The following ZNF169 variants were observed in gnomAD, a reference collection of about 807,000 sequenced individuals.
ZNF169 encodes zinc finger protein 169.
Under a neutral mutation model 12.0 loss-of-function variants are expected in ZNF169, and 11 were observed. That is an observed-to-expected ratio of 0.92 (90% CI 0.58 to 1.52). The LOEUF (loss-of-function observed/expected upper bound fraction) is 1.52. ZNF169 is among the 40% of genes most tolerant of loss of function. The pLI is 0.00. For missense variants in ZNF169, 722 were observed against 744.0 expected (o/e 0.97, Z 0.34); for synonymous variants, 302 against 286.5 (o/e 1.05, Z -0.55).
intron 1 of ZNF169, among the ~76,000 whole-genome samples, chr9:94,265,078 A>T (rs1194329483): frequency 7.5e-6 from 1 of 133,562 alleles, no homozygotes; most frequent in Admixed American, 8.2e-5. Flanking sequence ...GCCAGATCAT[A>T]GGTATGTTTA....
chr9:94,279,764 T>C (rs1830594480), intron 2 of ZNF169, among the ~76,000 whole-genome samples: 1 of 152,218 alleles, frequency 6.6e-6, no homozygotes, highest in South Asian at 2.1e-4. Context: ...CCACATTAGT[T>C]TTCTGTGTAT....
chr9:94,261,542 A>G (rs1830208581), intron 1 of ZNF169, among the ~76,000 whole-genome samples: 1 of 152,192 alleles, frequency 6.6e-6, no homozygotes, highest in Non-Finnish European at 1.5e-5. Context: ...ACCACTTACA[A>G]ATGACTCACC....
intron 1 of ZNF169, among the ~76,000 whole-genome samples, chr9:94,271,958 C>A (rs1031546133): frequency 6.6e-6 from 1 of 151,936 alleles, no homozygotes; most frequent in Admixed American, 6.6e-5. Context: ...TATCTGTGAG[C>A]CTGAACTTTT....
At position 94,298,728 on chromosome 9, in the gene ZNF169, CAAA is replaced by C. The variant is rs59009101; in HGVS notation, c.257-1069_257-1067del. 4.6e-3 allele frequency among the ~76,000 whole-genome samples: 486 copies of C among 105,030 alleles called. 1 individual carries two copies. The highest frequency in any genetic ancestry group is 0.011 in the African/African-American group (319 of 28,912). 68.9% of individuals were successfully genotyped at this position (105,030 alleles called of 152,430 possible). ...TGGGCAACAGAGCGAGACTCTGTCT[CAAA>C]AAAAAAAAAAAAAAAAAGAACTTAG... On this transcript the variant is annotated intron_variant, in intron 4 of 4. Transcript: ENST00000395395.
At chr9:94,290,652 C>T (rs1830810095) in intron 2 of ZNF169, among the ~76,000 whole-genome samples, 1 of 152,094 alleles carries the variant, frequency 6.6e-6, no homozygotes, top group Non-Finnish European at 1.5e-5. Flanking sequence ...TTTATTCATT[C>T]ACATTTTCTT....
chr9:94,301,178 G>C lies in ZNF169; in HGVS notation c.1620G>C (p.Lys540Asn), dbSNP rs1564095500. The C allele has an allele frequency of 1.2e-6, 2 of 1,614,244 alleles. No individual in the cohort carries two copies. Among genetic ancestry groups the C allele is most frequent in the African/African-American group, 2.7e-5 (2 of 75,066 alleles). The change falls in exon 5 of 5, where the codon AAG (lysine) becomes AAC (asparagine). Residue 540 changes from lysine to asparagine, a missense_variant. Transcript: ENST00000395395. ...ACCAAAGGACACACTCAGGAGAGAA[G>C]CCCTGCATTTGCGATGAATGTGGGC... Reference protein sequence around the residue: ...ISDQRTHSGEKPCICDECGRG... With the variant: ...ISDQRTHSGENPCICDECGRG...
At chr9:94,293,400 GC>G in intron 4 of ZNF169, 1 of 597,682 alleles carries the variant, frequency 1.7e-6, no homozygotes, top group Non-Finnish European at 2.9e-6. Context: ...CTAAGTCCCT[GC>G]CCCTGGTTTT....
chr9:94,286,291 C>T (rs1266650374), intron 2 of ZNF169, among the ~76,000 whole-genome samples: 1 of 152,200 alleles, frequency 6.6e-6, no homozygotes, highest in African/African-American at 2.4e-5. Flanking sequence ...AGACTTGTCT[C>T]TCAAACCATT....
At chr9:94,265,985 G>T (rs1170300181) in intron 1 of ZNF169, among the ~76,000 whole-genome samples, 1 of 151,564 alleles carries the variant, frequency 6.6e-6, no homozygotes, top group East Asian at 1.9e-4. Context: ...ACTCAGGAGG[G>T]TGAGGCAGTA....
At chr9:94,263,951 A>G (rs1830248037) in intron 1 of ZNF169, among the ~76,000 whole-genome samples, 1 of 151,712 alleles carries the variant, frequency 6.6e-6, no homozygotes, top group South Asian at 2.1e-4. Flanking sequence ...AGATGACAGT[A>G]TATATTTGTA....
chr9:94,268,582 G>T (rs1316300231), intron 1 of ZNF169, among the ~76,000 whole-genome samples: 1 of 151,956 alleles, frequency 6.6e-6, no homozygotes, highest in Non-Finnish European at 1.5e-5. Context: ...GAGGTCAGGA[G>T]TTCGAGACCA....
At chr9:94,289,922 CA>C (rs1332702999) in intron 2 of ZNF169, among the ~76,000 whole-genome samples, 2 of 152,038 alleles carry the variant, frequency 1.3e-5, no homozygotes, top group Non-Finnish European at 1.5e-5. Context: ...AGAGAACAAA[CA>C]AATAAAACTT....
chr9:94,299,385 C>G, intron 4 of ZNF169: 2 of 510,024 alleles, frequency 3.9e-6, no homozygotes, highest in East Asian at 7.0e-5. Flanking sequence ...GGCTCCCCTT[C>G]AGATGCTAAG....
At chr9:94,270,750 AT>A (rs1830384818) in intron 1 of ZNF169, among the ~76,000 whole-genome samples, 1 of 91,196 alleles carries the variant, frequency 1.1e-5, no homozygotes, top group South Asian at 2.7e-4. Flanking sequence ...ATGTATTTAT[AT>A]AATATATAAA....
intron 1 of ZNF169, among the ~76,000 whole-genome samples, chr9:94,270,192 G>A (rs2118558399): frequency 1.3e-5 from 2 of 152,266 alleles, no homozygotes; most frequent in Admixed American, 1.3e-4. Context: ...CAGTACTGAA[G>A]CAGTTGTTAG....
At chr9:94,262,710 C>T (rs547422032) in intron 1 of ZNF169, among the ~76,000 whole-genome samples, 320 of 152,170 alleles carry the variant, frequency 2.1e-3, no homozygotes, top group Middle Eastern at 3.4e-3. Flanking sequence ...CCGCCTGCCT[C>T]GGCCTCCCAA....
At position 94,262,057 on chromosome 9, in the gene ZNF169, C is replaced by T. The variant is rs76532712; in HGVS notation, c.-56+2712C>T. Among the ~76,000 whole-genome samples, 618 of 152,328 alleles carry T rather than the reference C, an allele frequency of 4.1e-3. 6 individuals are homozygous for T. Among genetic ancestry groups the T allele is most frequent in the African/African-American group, 0.014 (592 of 41,580 alleles). ...ACTACAAAGCTTTCCTGAGTTTTCT[C>T]TGGCAGAATTACTTCCATTGTCCTT... On this transcript the variant is annotated intron_variant, in intron 1 of 4. Coordinates refer to ENST00000395395, the MANE Select transcript of ZNF169 (RefSeq NM_194320.4).
At chr9:94,279,984 A>T (rs1341853438) in intron 2 of ZNF169, among the ~76,000 whole-genome samples, 3 of 152,236 alleles carry the variant, frequency 2.0e-5, no homozygotes, top group Non-Finnish European at 2.9e-5. Flanking sequence ...ACACTTACTG[A>T]CAACATAAAT....
Position 94,300,696 on chromosome 9 carries a change from G to A in ZNF169, c.1138G>A (p.Gly380Arg). 1 of 1,613,764 alleles carries A rather than the reference G, an allele frequency of 6.2e-7. No homozygotes were observed. Among genetic ancestry groups the A allele is most frequent in the Non-Finnish European group, 8.5e-7 (1 of 1,179,778 alleles). The change falls in exon 5 of 5, where the codon GGG becomes AGG. Residue 380 changes from glycine to arginine, a missense_variant. By Grantham distance (125) the Gly-to-Arg change is moderately radical (BLOSUM62 -2). Transcript: ENST00000395395. ...GERPFLCLEC[G>R]RSFRQQSLLL... is the part of the protein sequence containing the mutation. The stretch of plus-strand genomic sequence containing the variant: ...GAGGCCCTTCCTGTGCCTTGAGTGT[G>A]GGCGTAGCTTCAGGCAGCAGTCACT...
Sources: allele counts gnomAD v4.1 joint callset (sites outside exome capture counted in the v4.1 genomes callset), GRCh38; gene constraint gnomAD v4.1.1; transcripts MANE v1.5; gene names NCBI Gene and HGNC (gene_info 2026-07-23, HGNC 2026-07-21).